The following GPD2 variants were observed in gnomAD, a reference collection of about 807,000 sequenced individuals.
The protein encoded by GPD2 is glycerol-3-phosphate dehydrogenase, mitochondrial.
A neutral mutation model predicts 82.4 loss-of-function variants in GPD2; 54 were observed. That is an observed-to-expected ratio of 0.66 (90% CI 0.53 to 0.82). GPD2 has a LOEUF of 0.82. Among genes scored for constraint, GPD2 ranks in the 40% least tolerant of loss-of-function variants. GPD2 has a pLI of 0.00. For synonymous variants in GPD2, 288 were observed against 306.1 expected (o/e 0.94, Z 0.62); for missense variants, 748 against 896.2 (o/e 0.83, Z 2.11).
chr2:156,460,740 G>A (rs192147823), intron 1 of GPD2, among the ~76,000 whole-genome samples: 1 of 152,320 alleles, frequency 6.6e-6, no homozygotes, highest in East Asian at 1.9e-4. Context: ...GGCTCTCTTA[G>A]ATGACACTGT....
the GPD2 span, among the ~76,000 whole-genome samples, chr2:156,416,687 G>A: frequency 9.2e-5 from 14 of 151,942 alleles, no homozygotes; most frequent in Middle Eastern, 3.2e-3. Context: ...GAACTTTTAT[G>A]TGTCACTCTT....
chr2:156,426,969 T>C, the GPD2 span, among the ~76,000 whole-genome samples: 3 of 152,344 alleles, frequency 2.0e-5, no homozygotes, highest in East Asian at 3.9e-4. Context: ...TTAATACTTC[T>C]GAAAGGAAGA....
chr2:156,510,954 G>A (rs777055205), intron 4 of GPD2, 34 bp downstream of exon 4: 4 of 1,603,310 alleles, frequency 2.5e-6, no homozygotes, highest in South Asian at 1.1e-5. Context: ...AACAAAAATT[G>A]CAACTGTGCT....
At chr2:156,556,017 TA>T (rs1686948256) in intron 8 of GPD2, among the ~76,000 whole-genome samples, 2 of 152,232 alleles carry the variant, frequency 1.3e-5, no homozygotes, top group African/African-American at 4.8e-5. Flanking sequence ...CCTTGTGGTT[TA>T]AATAAAGAAG....
intron 1 of GPD2, among the ~76,000 whole-genome samples, chr2:156,455,005 A>C (rs144525999): frequency 6.6e-6 from 1 of 151,934 alleles, no homozygotes; most frequent in African/African-American, 2.4e-5. Context: ...CTCAGCCATG[A>C]TGGTGGTGTA....
chr2:156,405,338 A>C, the GPD2 span, among the ~76,000 whole-genome samples: 33 of 152,202 alleles, frequency 2.2e-4, no homozygotes, highest in Non-Finnish European at 4.1e-4. Context: ...AGGTGGTTAG[A>C]TCAACCCCAG....
intron 1 of GPD2, among the ~76,000 whole-genome samples, chr2:156,439,958 G>T (rs1171047083): frequency 6.6e-6 from 1 of 152,124 alleles, no homozygotes; most frequent in African/African-American, 2.4e-5. Context: ...AGTATAAGGA[G>T]AAAATTATTA....
chr2:156,463,514 A>G (rs1683056539), intron 1 of GPD2, among the ~76,000 whole-genome samples: 1 of 152,240 alleles, frequency 6.6e-6, no homozygotes, highest in Non-Finnish European at 1.5e-5. Context: ...CATCTATTGA[A>G]TGAAGAAAAA....
intron 3 of GPD2, among the ~76,000 whole-genome samples, chr2:156,504,126 A>G (rs78526495): frequency 8.1e-6 from 1 of 123,218 alleles, no homozygotes; most frequent in African/African-American, 2.9e-5. Flanking sequence ...CATAGAAATA[A>G]ATAACCAACT....
At chr2:156,554,108 A>G (rs373926876) in intron 8 of GPD2, among the ~76,000 whole-genome samples, 1 of 152,192 alleles carries the variant, frequency 6.6e-6, no homozygotes, top group African/African-American at 2.4e-5. Flanking sequence ...TCATTCCCTC[A>G]TTCAGGACTG....
chr2:156,486,821 C>T (rs1400513476), intron 2 of GPD2, among the ~76,000 whole-genome samples: 1 of 152,100 alleles, frequency 6.6e-6, no homozygotes, highest in Non-Finnish European at 1.5e-5. Flanking sequence ...GATGAGTATG[C>T]ATTATAAATT....
chr2:156,453,612 C>T (rs750106458), intron 1 of GPD2, among the ~76,000 whole-genome samples: 3 of 152,094 alleles, frequency 2.0e-5, no homozygotes, highest in Non-Finnish European at 2.9e-5. Flanking sequence ...CAATGATGGC[C>T]GGGCCTGTAA....
chr2:156,488,923 T>C (rs1305983954), intron 2 of GPD2, among the ~76,000 whole-genome samples: 2 of 152,244 alleles, frequency 1.3e-5, no homozygotes, highest in Non-Finnish European at 2.9e-5. Flanking sequence ...ACATATTAGA[T>C]ATTCTCCCAA....
At chr2:156,539,247 C>T (rs572789795) in intron 6 of GPD2, among the ~76,000 whole-genome samples, 4 of 152,234 alleles carry the variant, frequency 2.6e-5, no homozygotes, top group East Asian at 1.9e-4. Context: ...ATTATTTCAG[C>T]GGTTCTAGGG....
intron 3 of GPD2, among the ~76,000 whole-genome samples, chr2:156,506,291 G>A (rs1684784051): frequency 6.6e-6 from 1 of 152,144 alleles, no homozygotes; most frequent in East Asian, 1.9e-4. Flanking sequence ...TCTGGAAGGA[G>A]CAGTATCGTT....
chr2:156,557,033 A>C (rs1030623056), intron 8 of GPD2, among the ~76,000 whole-genome samples: 1 of 152,192 alleles, frequency 6.6e-6, no homozygotes, highest in Non-Finnish European at 1.5e-5. Flanking sequence ...AAAGGAAAGT[A>C]TAGACATTTA....
the GPD2 span, among the ~76,000 whole-genome samples, chr2:156,405,924 C>G: frequency 6.6e-6 from 1 of 152,120 alleles, no homozygotes. Flanking sequence ...GCTCAAGGTA[C>G]CAAGTTCCTA....
intron 9 of GPD2, among the ~76,000 whole-genome samples, chr2:156,568,522 C>T (rs922836374): frequency 1.3e-5 from 2 of 151,982 alleles, no homozygotes; most frequent in African/African-American, 2.4e-5. Flanking sequence ...TTTCTAACTG[C>T]TCCAGGTTGC....
intron 6 of GPD2, among the ~76,000 whole-genome samples, chr2:156,518,755 C>G (rs1215468755): frequency 6.6e-6 from 1 of 152,128 alleles, no homozygotes; most frequent in African/African-American, 2.4e-5. Context: ...CTCATTTACA[C>G]TATTTGTAAA....
Sources: allele counts gnomAD v4.1 joint callset (sites outside exome capture counted in the v4.1 genomes callset), GRCh38; gene constraint gnomAD v4.1.1; transcripts MANE v1.5; gene names NCBI Gene and HGNC (gene_info 2026-07-23, HGNC 2026-07-21).